The following HPSE2 variants were observed in gnomAD, a reference collection of about 807,000 sequenced individuals.
HPSE2 encodes heparanase 2 (inactive).
HPSE2 carries 38 observed loss-of-function variants against 60.5 expected under a neutral mutation model. That is an observed-to-expected ratio of 0.63 (90% CI 0.48 to 0.82). The LOEUF (loss-of-function observed/expected upper bound fraction) is 0.82. Ranked by LOEUF, HPSE2 falls within the 40% of genes least tolerant of loss-of-function variation. HPSE2 has a pLI of 0.00. For missense variants in HPSE2, 713 were observed against 740.4 expected (o/e 0.96, Z 0.43); for synonymous variants, 295 against 293.2 (o/e 1.01, Z -0.06).
chr10:98,948,286 T>TA (rs1425368028), intron 3 of HPSE2, among the ~76,000 whole-genome samples: 1 of 152,148 alleles, frequency 6.6e-6, no homozygotes, highest in Non-Finnish European at 1.5e-5. Context: ...TGAAAGATAT[T>TA]ATAGATATGG....
intron 3 of HPSE2, among the ~76,000 whole-genome samples, chr10:98,764,172 C>A (rs1950068781): frequency 6.6e-6 from 1 of 151,966 alleles, no homozygotes; most frequent in Non-Finnish European, 1.5e-5. Flanking sequence ...TAGAAATGGT[C>A]AAATACTAAT....
intron 3 of HPSE2, among the ~76,000 whole-genome samples, chr10:98,843,294 T>A (rs1322863763): frequency 6.6e-6 from 1 of 152,190 alleles, no homozygotes; most frequent in Non-Finnish European, 1.5e-5. Flanking sequence ...AAACATGCAG[T>A]ATTTGGTTCT....
At chr10:99,010,578 G>A (rs909724807) in intron 3 of HPSE2, among the ~76,000 whole-genome samples, 4 of 152,112 alleles carry the variant, frequency 2.6e-5, no homozygotes, top group African/African-American at 9.7e-5. Context: ...GCAACTTCAT[G>A]GTATGAGAGG....
At chr10:99,116,810 G>A (rs1028866785) in intron 3 of HPSE2, among the ~76,000 whole-genome samples, 1 of 152,112 alleles carries the variant, frequency 6.6e-6, no homozygotes. Flanking sequence ...GGGAAGGTAG[G>A]GGCTGCAGGA....
At chr10:99,306,735 G>T in the HPSE2 span, among the ~76,000 whole-genome samples, 1 of 152,112 alleles carries the variant, frequency 6.6e-6, no homozygotes, top group Admixed American at 6.5e-5. Flanking sequence ...TTAAGACAGA[G>T]TTTCGCTCTT....
intron 3 of HPSE2, among the ~76,000 whole-genome samples, chr10:99,105,985 TA>T (rs1844232983): frequency 6.6e-6 from 1 of 152,170 alleles, no homozygotes; most frequent in Non-Finnish European, 1.5e-5. Context: ...TTTATACAAA[TA>T]CCACACTGTC....
rs557443908 is a variant in HPSE2, at chr10:98,492,460, C to T, written c.1321-2264G>A. ...GAGCTTGCAGTGAGCCGAGATTGCGCCACTGCACTCCAGCCTGGGCAACAG... is the reference window on the plus strand; with the variant it reads ...GAGCTTGCAGTGAGCCGAGATTGCGTCACTGCACTCCAGCCTGGGCAACAG... On this transcript the variant is annotated intron_variant, in intron 9 of 11. Coordinates refer to ENST00000370552, the MANE Select transcript of HPSE2 (RefSeq NM_021828.5). Among the ~76,000 whole-genome samples, 7 of 149,344 alleles carry T rather than the reference C, an allele frequency of 4.7e-5. No individual in the cohort carries two copies. In the South Asian group the frequency reaches 1.5e-3, roughly 31 times the overall value.
intron 3 of HPSE2, among the ~76,000 whole-genome samples, chr10:99,080,074 T>C (rs1419982558): frequency 6.6e-6 from 1 of 152,186 alleles, no homozygotes; most frequent in Non-Finnish European, 1.5e-5. Context: ...ACCCAGGATA[T>C]AAAAGCCTCT....
At chr10:98,468,118 G>A (rs1166109975) in intron 11 of HPSE2, among the ~76,000 whole-genome samples, 7 of 152,276 alleles carry the variant, frequency 4.6e-5, no homozygotes, top group Non-Finnish European at 1.0e-4. Flanking sequence ...CTCCAGGTCA[G>A]GGGCAGGTTA....
At chr10:98,685,182 A>T (rs977369404) in intron 6 of HPSE2, among the ~76,000 whole-genome samples, 6 of 152,194 alleles carry the variant, frequency 3.9e-5, no homozygotes, top group Non-Finnish European at 8.8e-5. Flanking sequence ...TTTCAAAATA[A>T]GTTGCTGACT....
At chr10:98,506,293 C>A (rs888609394) in intron 9 of HPSE2, among the ~76,000 whole-genome samples, 10 of 152,024 alleles carry the variant, frequency 6.6e-5, no homozygotes, top group Non-Finnish European at 1.5e-5. Flanking sequence ...ATGTGAAAAC[C>A]TTTTCAGTTT....
At chr10:98,582,487 T>C (rs1243178683) in intron 9 of HPSE2, among the ~76,000 whole-genome samples, 2 of 152,150 alleles carry the variant, frequency 1.3e-5, no homozygotes, top group African/African-American at 2.4e-5. Flanking sequence ...AGCATGCCCA[T>C]GCATGACTTG....
At chr10:99,305,961 A>ATAAGTG in the HPSE2 span, among the ~76,000 whole-genome samples, 10 of 103,056 alleles carry the variant, frequency 9.7e-5, no homozygotes, top group South Asian at 3.3e-4. Flanking sequence ...ACTCACACAC[A>ATAAGTG]CGCGCGCGCG....
At chr10:98,978,992 CG>C (rs1238658065) in intron 3 of HPSE2, among the ~76,000 whole-genome samples, 1 of 152,154 alleles carries the variant, frequency 6.6e-6, no homozygotes, top group Non-Finnish European at 1.5e-5. Flanking sequence ...ACTGCGAACA[CG>C]TGTTCTTTTC....
intron 9 of HPSE2, among the ~76,000 whole-genome samples, chr10:98,544,582 G>A (rs1473295680): frequency 1.5e-4 from 23 of 151,432 alleles, no homozygotes; most frequent in Admixed American, 4.6e-4. Context: ...GCGTGGTGGC[G>A]GGCGCCTGTA....
chr10:98,732,837 T>C (rs1949261066), intron 4 of HPSE2, among the ~76,000 whole-genome samples: 1 of 152,068 alleles, frequency 6.6e-6, no homozygotes, highest in Non-Finnish European at 1.5e-5. Context: ...AAAGACGAAG[T>C]AAAAAAATTA....
In HPSE2 at chr10:98,803,058, T is replaced by G. The variant is rs1376343104; in HGVS notation, c.611-59002A>C. On this transcript the variant is annotated intron_variant, in intron 3 of 11. Coordinates refer to ENST00000370552, the MANE Select transcript of HPSE2 (RefSeq NM_021828.5). ...TCTCATTGTGGTTTTGATTTGCATT[T>G]CTCTGATGGCCAGTGATGGTGAGCA... 8.1e-3 allele frequency among the ~76,000 whole-genome samples: 1,223 copies of G among 151,222 alleles called. 21 individuals carry two copies. Among genetic ancestry groups the G allele is most frequent in the African/African-American group, 0.029 (1,169 of 40,942 alleles).
chr10:98,873,534 A>AT (rs1269238747), intron 3 of HPSE2, among the ~76,000 whole-genome samples: 2 of 152,048 alleles, frequency 1.3e-5, no homozygotes, highest in Admixed American at 6.6e-5. Context: ...AAAGGACATG[A>AT]TCTCATTCCT....
At chr10:98,957,115 T>C (rs1384484716) in intron 3 of HPSE2, among the ~76,000 whole-genome samples, 1 of 152,176 alleles carries the variant, frequency 6.6e-6, no homozygotes, top group African/African-American at 2.4e-5. Context: ...ACTTGTAGCA[T>C]AGATAATTCC....
Sources: allele counts gnomAD v4.1 joint callset (sites outside exome capture counted in the v4.1 genomes callset), GRCh38; gene constraint gnomAD v4.1.1; transcripts MANE v1.5; gene names NCBI Gene and HGNC (gene_info 2026-07-23, HGNC 2026-07-21).